MTFMT: variants seen among roughly 807,000 people sequenced by gnomAD.
MTFMT encodes the protein mitochondrial methionyl-tRNA formyltransferase, also known as methionyl-tRNA formyltransferase, mitochondrial.
MTFMT carries 47 observed loss-of-function variants against 51.8 expected under a neutral mutation model. That is an observed-to-expected ratio of 0.91 (90% CI 0.72 to 1.16). MTFMT has a LOEUF of 1.16. Ranked by LOEUF, MTFMT falls within the 50% of genes most tolerant of loss-of-function variation. The pLI is 0.00. For synonymous variants in MTFMT, 196 were observed against 176.7 expected (o/e 1.11, Z -0.87); for missense variants, 512 against 482.3 (o/e 1.06, Z -0.58).
chr15:65,021,511 T>G lies in MTFMT; in HGVS notation c.645+3A>C. ...AAAGCAGTAGGATATTGGGGAATTA[T>G]ACCATGTTGGCACCCAGTCTTGACA... On this transcript the variant is annotated splice_donor_region_variant and intron_variant, in intron 4 of 8. Transcript: ENST00000220058. 1 of 1,604,002 alleles carries G rather than the reference T, an allele frequency of 6.2e-7. No homozygotes were observed. The highest frequency in any genetic ancestry group is 8.5e-7 in the Non-Finnish European group (1 of 1,171,400).
intron 5 of MTFMT, among the ~76,000 whole-genome samples, chr15:65,016,904 C>T (rs189625561): frequency 1.3e-5 from 2 of 151,682 alleles, no homozygotes; most frequent in Non-Finnish European, 2.9e-5. Context: ...CCTCAGCCTC[C>T]CGAGTAGCTG....
chr15:65,016,414 G>A, intron 6 of MTFMT, 22 bp downstream of exon 6: 1 of 1,498,856 alleles, frequency 6.7e-7, no homozygotes, highest in East Asian at 2.3e-5. Flanking sequence ...AGGTAGAACT[G>A]CAACCTGACT....
chr15:65,002,442 T>C lies in MTFMT; in HGVS notation c.*620A>G, dbSNP rs2086183778. 1 of 152,068 alleles carries C rather than the reference T, an allele frequency of 6.6e-6. No homozygotes were observed. Among genetic ancestry groups the C allele is most frequent in the Non-Finnish European group, 1.5e-5 (1 of 68,012 alleles). The allele number at this position is 152,068 out of a possible 1,614,324, so 9.4% of individuals were successfully genotyped here. On this transcript the variant is annotated 3_prime_UTR_variant, in exon 9 of 9. Coordinates refer to ENST00000220058, the MANE Select transcript of MTFMT (RefSeq NM_139242.4). The stretch of plus-strand genomic sequence containing the variant: ...AAAAACAAAAAACCTCTTCTCAGTA[T>C]GTATGTAGGTACATACATACACCAG...
intron 2 of MTFMT, 173 bp downstream of exon 2, chr15:65,026,658 T>C: frequency 3.2e-6 from 2 of 630,084 alleles, no homozygotes; most frequent in South Asian, 4.5e-5. Flanking sequence ...TACCTGAACC[T>C]GGCAGAGAAA....
At chr15:65,022,969 G>GT (rs2086387923) in intron 3 of MTFMT, among the ~76,000 whole-genome samples, 1 of 152,046 alleles carries the variant, frequency 6.6e-6, no homozygotes, top group African/African-American at 2.4e-5. Context: ...GATTACAGGC[G>GT]TGAGCCACCA....
At chr15:65,020,385 T>G (rs2086364103) in intron 4 of MTFMT, 113 bp from the exon 5 acceptor site, 1 of 918,348 alleles carries the variant, frequency 1.1e-6, no homozygotes, top group Non-Finnish European at 1.6e-6. Context: ...TTCTTTTTCT[T>G]TTTTCAAATT....
At chr15:65,016,623 T>A in intron 5 of MTFMT, 96 bp from the exon 6 acceptor site, 1 of 657,466 alleles carries the variant, frequency 1.5e-6, no homozygotes, top group Non-Finnish European at 2.5e-6. Flanking sequence ...GAGAATTCAT[T>A]CTAACCTCTC....
intron 1 of MTFMT, among the ~76,000 whole-genome samples, chr15:65,027,689 ATGC>A (rs2086437910): frequency 6.6e-6 from 1 of 152,134 alleles, no homozygotes. Flanking sequence ...AATGCTATAT[ATGC>A]TATTATGTGT....
intron 5 of MTFMT, among the ~76,000 whole-genome samples, chr15:65,017,028 C>T (rs7175640): frequency 0.33 from 49,858 of 149,828 alleles, 9,633 homozygotes; most frequent in South Asian, 0.49. Context: ...GTGATCCACC[C>T]GCCTCATCCT....
chr15:65,009,370 A>C (rs187258811), intron 6 of MTFMT, among the ~76,000 whole-genome samples: 1 of 152,256 alleles, frequency 6.6e-6, no homozygotes, highest in East Asian at 1.9e-4. Context: ...ATATATGTCA[A>C]ACTTAACATG....
At chr15:65,029,212 G>T in intron 1 of MTFMT, 193 bp downstream of exon 1, 2 of 951,920 alleles carry the variant, frequency 2.1e-6, no homozygotes, top group Non-Finnish European at 2.5e-6. Context: ...CAGACCGCAG[G>T]TACTAGGCGC....
intron 6 of MTFMT, among the ~76,000 whole-genome samples, chr15:65,007,135 C>T (rs11631491): frequency 0.31 from 47,340 of 152,182 alleles, 8,464 homozygotes; most frequent in South Asian, 0.48. Context: ...GCCTCTTCAG[C>T]TCCTGTGTGG....
chr15:65,022,834 G>A (rs2086386000), intron 3 of MTFMT, among the ~76,000 whole-genome samples: 1 of 151,756 alleles, frequency 6.6e-6, no homozygotes, highest in South Asian at 2.1e-4. Context: ...AGCCTCCTGA[G>A]TAGCTGGGAC....
intron 6 of MTFMT, among the ~76,000 whole-genome samples, chr15:65,008,145 G>A (rs1393851755): frequency 6.6e-6 from 1 of 152,004 alleles, no homozygotes; most frequent in African/African-American, 2.4e-5. Context: ...TAAGAAAAAT[G>A]TGCTCAATTA....
Position 65,007,638 on chromosome 15 carries a change from G to A in MTFMT, c.814-1447C>T, listed in dbSNP as rs570681725. Among the ~76,000 whole-genome samples the A allele has an allele frequency of 3.0e-4, 46 of 152,286 alleles. 1 individual carries two copies. In the South Asian group the frequency reaches 9.1e-3, roughly 30 times the overall value. On this transcript the variant is annotated intron_variant, in intron 6 of 8. Coordinates refer to ENST00000220058, the MANE Select transcript of MTFMT (RefSeq NM_139242.4). ...AGCATCAACATTTTATTGCTAAACT[G>A]CCTGGATAAGTGAGAAAAAAATATG... is the stretch of plus-strand genomic sequence containing the variant.
chr15:65,014,566 TCCGC>T (rs2086300513), intron 6 of MTFMT, among the ~76,000 whole-genome samples: 2 of 151,680 alleles, frequency 1.3e-5, no homozygotes, highest in South Asian at 4.2e-4. Context: ...CCTCAGGTGA[TCCGC>T]CCGCCTCGGC....
chr15:65,015,211 AG>A (rs1355725430), intron 6 of MTFMT, among the ~76,000 whole-genome samples: 1 of 152,280 alleles, frequency 6.6e-6, no homozygotes, highest in East Asian at 1.9e-4. Context: ...AGGAAGTAGC[AG>A]AGTCAAGATG....
chr15:65,004,022 CTT>C (rs879754482), intron 8 of MTFMT, among the ~76,000 whole-genome samples: 1 of 145,422 alleles, frequency 6.9e-6, no homozygotes, highest in Non-Finnish European at 1.5e-5. Context: ...TAAACATTTT[CTT>C]TTTTTTTTTG....
chr15:65,022,829 C>T (rs773241171), intron 3 of MTFMT, among the ~76,000 whole-genome samples: 52 of 151,900 alleles, frequency 3.4e-4, no homozygotes, highest in Non-Finnish European at 6.2e-4. Flanking sequence ...ACCTCAGCCT[C>T]CTGAGTAGCT....
Sources: allele counts gnomAD v4.1 joint callset (sites outside exome capture counted in the v4.1 genomes callset), GRCh38; gene constraint gnomAD v4.1.1; transcripts MANE v1.5; gene names NCBI Gene and HGNC (gene_info 2026-07-23, HGNC 2026-07-21).